The following VEGFC variants were observed in gnomAD, a reference collection of about 807,000 sequenced individuals.
The protein encoded by VEGFC is FLT4 ligand DHM.
A neutral mutation model predicts 46.1 loss-of-function variants in VEGFC; 12 were observed. The ratio of observed to expected loss-of-function variants is 0.26; its 90% CI spans 0.17 to 0.42. The LOEUF is 0.42. VEGFC is among the 10% of genes least tolerant of loss of function. The pLI, the probability that VEGFC is intolerant of heterozygous loss-of-function variation, is 1.00. For missense variants in VEGFC, 488 were observed against 529.4 expected (o/e 0.92, Z 0.77); for synonymous variants, 232 against 195.5 (o/e 1.19, Z -1.56).
At chr4:176,705,127 T>A (rs1734506861) in intron 4 of VEGFC, among the ~76,000 whole-genome samples, 1 of 152,212 alleles carries the variant, frequency 6.6e-6, no homozygotes, top group Non-Finnish European at 1.5e-5. Flanking sequence ...AATTATATTA[T>A]TCATTTAAAA....
intron 1 of VEGFC, among the ~76,000 whole-genome samples, chr4:176,762,261 G>C (rs1735543088): frequency 6.6e-6 from 1 of 152,148 alleles, no homozygotes. Flanking sequence ...GGGGGAGGTG[G>C]GGCCTTTAAG....
chr4:176,740,881 C>T (rs959014329), intron 1 of VEGFC, among the ~76,000 whole-genome samples: 3 of 151,720 alleles, frequency 2.0e-5, no homozygotes, highest in East Asian at 1.9e-4. Flanking sequence ...CAATAAATAA[C>T]GTTCAAGGAA....
intron 4 of VEGFC, among the ~76,000 whole-genome samples, chr4:176,697,015 T>G (rs1295037404): frequency 6.6e-6 from 1 of 150,980 alleles, no homozygotes; most frequent in Admixed American, 6.6e-5. Context: ...ACGTTAGACC[T>G]AAAACCATAA....
chr4:176,715,540 TTTCTAA>T (rs1734685361), intron 3 of VEGFC, among the ~76,000 whole-genome samples: 1 of 152,174 alleles, frequency 6.6e-6, no homozygotes, highest in South Asian at 2.1e-4. Context: ...CTCTTTAATT[TTTCTAA>T]TTCTTTCTGT....
intron 1 of VEGFC, among the ~76,000 whole-genome samples, chr4:176,765,744 G>A (rs560573732): frequency 8.4e-4 from 127 of 151,884 alleles, no homozygotes; most frequent in African/African-American, 2.8e-3. Context: ...TAGTAGAGAC[G>A]GGGTTTCACC....
At chr4:176,694,178 G>C (rs1451609566) in intron 4 of VEGFC, among the ~76,000 whole-genome samples, 1 of 151,646 alleles carries the variant, frequency 6.6e-6, no homozygotes. Flanking sequence ...AAAAGACACA[G>C]ACTGGCAAAT....
chr4:176,717,496 A>C (rs1033037787), intron 3 of VEGFC, among the ~76,000 whole-genome samples: 1 of 152,170 alleles, frequency 6.6e-6, no homozygotes, highest in African/African-American at 2.4e-5. Flanking sequence ...GCTATAAAGC[A>C]ACAATTCCTA....
intron 1 of VEGFC, among the ~76,000 whole-genome samples, chr4:176,763,120 T>G (rs1735558441): frequency 6.6e-6 from 1 of 152,250 alleles, no homozygotes; most frequent in Admixed American, 6.5e-5. Flanking sequence ...CGAGCAGACT[T>G]AAGCCAAAAA....
intron 3 of VEGFC, among the ~76,000 whole-genome samples, chr4:176,721,465 G>A (rs939531455): frequency 6.6e-6 from 1 of 152,124 alleles, no homozygotes; most frequent in African/African-American, 2.4e-5. Flanking sequence ...CAAATAGATT[G>A]GAGGAAAGGA....
chr4:176,737,775 C>T (rs1004339483), intron 1 of VEGFC, among the ~76,000 whole-genome samples: 11 of 151,746 alleles, frequency 7.2e-5, no homozygotes, highest in African/African-American at 2.4e-4. Context: ...CAATTCCCAT[C>T]ATATATAATT....
chr4:176,764,111 A>T (rs1251298051), intron 1 of VEGFC, among the ~76,000 whole-genome samples: 3 of 152,208 alleles, frequency 2.0e-5, no homozygotes, highest in Non-Finnish European at 4.4e-5. Flanking sequence ...GAAAAGCAAC[A>T]AACACCTATT....
chr4:176,743,330 G>A (rs1348006210), intron 1 of VEGFC, among the ~76,000 whole-genome samples: 2 of 151,916 alleles, frequency 1.3e-5, no homozygotes, highest in Non-Finnish European at 2.9e-5. Context: ...GTAATAAAGT[G>A]TGTATGGAGG....
intron 4 of VEGFC, among the ~76,000 whole-genome samples, chr4:176,703,061 A>G (rs71615208): frequency 6.6e-6 from 1 of 152,118 alleles, no homozygotes; most frequent in African/African-American, 2.4e-5. Flanking sequence ...TGAGAATAAT[A>G]CAATTTTTGA....
At position 176,720,339 on chromosome 4, in the gene VEGFC, A is replaced by G. The variant is rs1579104798; in HGVS notation, c.552+7439T>C. Reference sequence around the variant, plus strand: ...TATTGTTCTAAAATTTTAGAATTGTACATCAAACCTTCTGGTATCTCCACC... The same window carrying G: ...TATTGTTCTAAAATTTTAGAATTGTGCATCAAACCTTCTGGTATCTCCACC... On this transcript the variant is annotated intron_variant, in intron 3 of 6. Transcript: ENST00000618562. Among the ~76,000 whole-genome samples, 3 of 152,304 alleles carry G rather than the reference A, an allele frequency of 2.0e-5. No homozygotes were observed. The East Asian group carries it at 5.8e-4, about 29-fold the overall frequency.
intron 1 of VEGFC, among the ~76,000 whole-genome samples, chr4:176,734,631 G>A (rs1735024926): frequency 6.6e-6 from 1 of 151,806 alleles, no homozygotes; most frequent in Non-Finnish European, 1.5e-5. Flanking sequence ...AAAACTGAGT[G>A]AAAGGAATTT....
intron 3 of VEGFC, among the ~76,000 whole-genome samples, chr4:176,713,213 T>A (rs1734645767): frequency 6.6e-6 from 1 of 152,220 alleles, no homozygotes; most frequent in Admixed American, 6.5e-5. Context: ...GACCTCAACA[T>A]ATGCCACTAT....
At chr4:176,762,806 C>G (rs185019543) in intron 1 of VEGFC, among the ~76,000 whole-genome samples, 1 of 152,320 alleles carries the variant, frequency 6.6e-6, no homozygotes, top group African/African-American at 2.4e-5. Context: ...CACCCTGGAA[C>G]AGTTGCTCCA....
At chr4:176,685,012 C>A (rs1734014190) in intron 6 of VEGFC, among the ~76,000 whole-genome samples, 1 of 152,244 alleles carries the variant, frequency 6.6e-6, no homozygotes, top group South Asian at 2.1e-4. Context: ...CAGGTGTGAG[C>A]CACCACGCCT....
rs1040586484 is a variant in VEGFC at position 176,685,681 on chromosome 4, C to T, written c.1145+1506G>A. Among the ~76,000 whole-genome samples the T allele has an allele frequency of 2.6e-5, 4 of 152,026 alleles. 1 individual carries two copies. In the South Asian group the frequency reaches 8.3e-4, roughly 32 times the overall value. ...AATAAGGCTTAAAAAGATTTAGTAT[C>T]TATATCCTTCTGAAAATAGTAGCAT... On this transcript the variant is annotated intron_variant, in intron 6 of 6. Transcript: ENST00000618562.
Sources: gnomAD v4.1 joint callset for allele counts (sites outside exome capture counted in the v4.1 genomes callset) on GRCh38, gnomAD v4.1.1 for gene constraint, MANE v1.5 for transcripts, NCBI Gene and HGNC (gene_info 2026-07-23, HGNC 2026-07-21) for gene names.